Variants in IRX3 observed in about 807,000 individuals in gnomAD.
IRX3 encodes the protein iroquois homeobox 3.
In IRX3, 20 loss-of-function variants were observed where a neutral mutation model predicts 36.4. The observed-to-expected ratio is 0.55, with a 90% CI of 0.39 to 0.80. The LOEUF (loss-of-function observed/expected upper bound fraction) is 0.80. Among genes scored for constraint, IRX3 ranks in the 30% least tolerant of loss-of-function variants. The pLI, the probability that IRX3 is intolerant of heterozygous loss-of-function variation, is 0.00. For missense variants in IRX3, 718 were observed against 733.2 expected, an observed-to-expected ratio of 0.98 and a Z score of 0.24; for synonymous variants, 404 against 351.6, an observed-to-expected ratio of 1.15 and a Z score of -1.67.
rs1424025603 is a variant in IRX3 at position 54,284,798 on chromosome 16, G to A, written c.1083C>T (p.Asn361=). ...CCGCGCCGGGAGGCGAGCGGCGCGG[G>A]TTGTCCGGGCTTGTGGCAGTCTCCG... ...SLAETATSPD[N]PRRSPPGAGG... Residue 361 remains asparagine, a synonymous_variant, in exon 2 of 4, where the codon AAC becomes AAT. Transcript: ENST00000329734. The surrounding 1 kb of genome is among the most constrained non-coding windows in gnomAD (Gnocchi z 4.0). 6.8e-7 allele frequency: 1 copy of A among 1,474,598 alleles called. No homozygotes were observed. Among genetic ancestry groups the A allele is most frequent in the South Asian group, 1.4e-5 (1 of 73,060 alleles). The allele number at this position is 1,474,598 out of a possible 1,614,324, so 91.3% of individuals were successfully genotyped here.
Position 54,284,354 on chromosome 16 carries a change from C to T in IRX3, c.1385-42G>A. 6.3e-7 allele frequency: 1 copy of T among 1,580,118 alleles called. No individual in the cohort carries two copies. Among genetic ancestry groups the T allele is most frequent in the Non-Finnish European group, 8.6e-7 (1 of 1,166,652 alleles). ...AAGAAAAAGGAGGGCCTTTAGAGCGCTCGGTGCCGGCGCCCAGGGCCGCAG... is the reference window on the plus strand; with the variant it reads ...AAGAAAAAGGAGGGCCTTTAGAGCGTTCGGTGCCGGCGCCCAGGGCCGCAG... On this transcript the variant is annotated intron_variant, in intron 2 of 3. Coordinates refer to ENST00000329734, the MANE Select transcript of IRX3 (RefSeq NM_024336.3). This position sits in a 1 kb window ranked among gnomAD's most constrained non-coding sequence, Gnocchi z 4.0.
rs1901299996 is a variant in IRX3 at position 54,285,299 on chromosome 16, C to A, written c.582G>T (p.Ala194=). The A allele has an allele frequency of 6.2e-7, 1 of 1,614,138 alleles. No individual in the cohort carries two copies. ...CCTCCTCGTCAGTGCGGCTGCGAGG[C>A]GCCCAAGTCATCTTATTCTCCTTCT... ...RLKKENKMTW[A]PRSRTDEEGN... Residue 194 remains alanine (A), a synonymous_variant, in exon 2 of 4, where the codon GCG becomes GCT. Coordinates refer to ENST00000329734, the MANE Select transcript of IRX3 (RefSeq NM_024336.3). The surrounding 1 kb of genome is among the most constrained non-coding windows in gnomAD (Gnocchi z 5.7).
chr16:54,283,822 A>G lies in IRX3; in HGVS notation c.1452-82T>C. On this transcript the variant is annotated intron_variant, in intron 3 of 3. Transcript: ENST00000329734. The surrounding 1 kb of genome is among the most constrained non-coding windows in gnomAD (Gnocchi z 4.4). ...CCTAGGGCGGGGAGATCCTACTTGG[A>G]TTGGGGCCGATCGTCAGGAAGGTGT... 6.3e-7 allele frequency: 1 copy of G among 1,587,026 alleles called. No individual in the cohort carries two copies. Among genetic ancestry groups the G allele is most frequent in the Non-Finnish European group, 8.6e-7 (1 of 1,167,246 alleles).
chr16:54,284,510 G>A lies in IRX3; in HGVS notation c.1371C>T (p.Pro457=). The A allele has an allele frequency of 2.1e-6, 3 of 1,405,366 alleles. No individual in the cohort carries two copies. Among genetic ancestry groups the A allele is most frequent in the East Asian group, 6.1e-5 (2 of 32,946 alleles). The allele number at this position is 1,405,366 out of a possible 1,614,324, so 87.1% of individuals were successfully genotyped here. Residue 457 remains proline, a synonymous_variant, in exon 2 of 4, where the codon CCC becomes CCT. Transcript: ENST00000329734. This position sits in a 1 kb window ranked among gnomAD's most constrained non-coding sequence, Gnocchi z 4.0. ...AAAAFARPAE[P]EGGTDRCSAL... is the part of the protein sequence containing the mutation. Reference sequence around the variant, plus strand: ...CTCAGCAGTCACCTGTTCCGCCTTCGGGCTCCGCTGGCCGAGCGAAGGCGG... The same window carrying A: ...CTCAGCAGTCACCTGTTCCGCCTTCAGGCTCCGCTGGCCGAGCGAAGGCGG...
At position 54,286,351 on chromosome 16, in the gene IRX3, C is replaced by T. The variant is rs115229161; in HGVS notation, c.-301G>A. ...CCTCCTCTCTGCGCCGCGCTCCCTC[C>T]TCTCGGCCGCCGGAGCTGCCTCTGC... On this transcript the variant is annotated 5_prime_UTR_variant, in exon 1 of 4. Transcript: ENST00000329734. The T allele has an allele frequency of 8.9e-5, 88 of 988,496 alleles. No individual in the cohort carries two copies. In the African/African-American group the frequency reaches 1.3e-3, roughly 15 times the overall value. The allele number at this position is 988,496 out of a possible 1,614,324, so 61.2% of individuals were successfully genotyped here.
Position 54,285,831 on chromosome 16 carries a change from C to T in IRX3, c.220G>A (p.Gly74Ser). 1 of 1,564,050 alleles carries T rather than the reference C, an allele frequency of 6.4e-7. No individual in the cohort carries two copies. Among genetic ancestry groups the T allele is most frequent in the East Asian group, 2.4e-5 (1 of 42,274 alleles). Residue 74 changes from glycine (G) to serine (S), a missense_variant, in exon 1 of 4, where the codon GGC (glycine) becomes AGC (serine). Gly to Ser is a moderately conservative substitution (Grantham distance 56, BLOSUM62 0). This residue lies in a region of IRX3 where 204 missense variants were observed against 181.4 expected (regional missense o/e 1.12). Transcript: ENST00000329734. This position sits in a 1 kb window ranked among gnomAD's most constrained non-coding sequence, Gnocchi z 5.7. ...TCCGCGGCGTAGGGCAGGAAGGCGC[C>T]GTAGCCTTGGGCGGCGGCGGCCGCA... ...AAAAAAAQGY[G>S]AFLPYAAELP...
Position 54,283,445 on chromosome 16 carries a change from C to G in IRX3, c.*241G>C, listed in dbSNP as rs1027707597. The G allele has an allele frequency of 2.9e-5, 13 of 449,884 alleles. No individual in the cohort carries two copies. The highest frequency in any genetic ancestry group is 2.6e-4 in the African/African-American group (13 of 50,834). 27.9% of individuals were successfully genotyped at this position (449,884 alleles called of 1,614,324 possible). A position where few individuals can be genotyped will look rare whatever the true frequency, so the allele number is the denominator to read the frequency against. On this transcript the variant is annotated 3_prime_UTR_variant, in exon 4 of 4. Transcript: ENST00000329734. The surrounding 1 kb of genome is among the most constrained non-coding windows in gnomAD (Gnocchi z 4.4). ...ACGTTTATTCTCACTGAAACTCCAC[C>G]CCCCAAAATCAACCGGACAAACAAA... is the stretch of plus-strand genomic sequence containing the variant.
At position 54,286,480 on chromosome 16, in the gene IRX3, T is replaced by G; in HGVS notation, c.-430A>C. On this transcript the variant is annotated 5_prime_UTR_variant, in exon 1 of 4. Coordinates refer to ENST00000329734, the MANE Select transcript of IRX3 (RefSeq NM_024336.3). ...CCCCCTCCTCGCCCTTCCTCTCCCCTCCCCTCTCCGCACTCCTCTTCCCCC... is the reference window on the plus strand; with the variant it reads ...CCCCCTCCTCGCCCTTCCTCTCCCCGCCCCTCTCCGCACTCCTCTTCCCCC... 1.3e-6 allele frequency: 1 copy of G among 742,310 alleles called. No homozygotes were observed. Among genetic ancestry groups the G allele is most frequent in the Non-Finnish European group, 1.6e-6 (1 of 610,964 alleles). The allele number at this position is 742,310 out of a possible 1,614,324, so 46.0% of individuals were successfully genotyped here. A position where few individuals can be genotyped will look rare whatever the true frequency, so the allele number is the denominator to read the frequency against.
rs1305245625 is a variant in IRX3, at chr16:54,286,084, C to G, written c.-34G>C. 9 of 1,226,600 alleles carry G rather than the reference C, an allele frequency of 7.3e-6. No homozygotes were observed. Among genetic ancestry groups the G allele is most frequent in the Admixed American group, 4.5e-5 (1 of 22,288 alleles). The allele number at this position is 1,226,600 out of a possible 1,614,324, so 76.0% of individuals were successfully genotyped here. On this transcript the variant is annotated 5_prime_UTR_variant, in exon 1 of 4. Coordinates refer to ENST00000329734, the MANE Select transcript of IRX3 (RefSeq NM_024336.3). ...GCGGGGCACGGACGGAGAGGGGGGCCGACCCCCGGGCCGCCCAGCTCAGCG... is the reference window on the plus strand; with the variant it reads ...GCGGGGCACGGACGGAGAGGGGGGCGGACCCCCGGGCCGCCCAGCTCAGCG...
chr16:54,285,882 A>G lies in IRX3; in HGVS notation c.169T>C (p.Tyr57His). 1.3e-6 allele frequency: 2 copies of G among 1,538,582 alleles called. No individual in the cohort carries two copies. The highest frequency in any genetic ancestry group is 1.7e-6 in the Non-Finnish European group (2 of 1,143,694). Residue 57 changes from tyrosine to histidine, a missense_variant, in exon 1 of 4, where the codon TAC becomes CAC. Physicochemically the swap from Tyr to His is moderately conservative, Grantham distance 83. Transcript: ENST00000329734. This position sits in a 1 kb window ranked among gnomAD's most constrained non-coding sequence, Gnocchi z 5.7. ...GCGGCCGCGGCGTAGGGCGCCCCGT[A>G]CACGGACGAGAGCACGTTGGACAGG... ...GSLSNVLSSV[Y>H]GAPYAAAAAA...
chr16:54,286,544 T>C lies in IRX3; in HGVS notation c.-494A>G, dbSNP rs1901348133. On this transcript the variant is annotated 5_prime_UTR_variant, in exon 1 of 4. Transcript: ENST00000329734. ...GCTGCTTCGGGCTCCTGCACTGCCCTGGACGCTATGAAACTCTCCTTTCTC... is the reference window on the plus strand; with the variant it reads ...GCTGCTTCGGGCTCCTGCACTGCCCCGGACGCTATGAAACTCTCCTTTCTC... 8.9e-6 allele frequency: 2 copies of C among 223,804 alleles called. No homozygotes were observed. The highest frequency in any genetic ancestry group is 2.3e-5 in the African/African-American group (1 of 42,640). The allele number at this position is 223,804 out of a possible 1,614,324, so 13.9% of individuals were successfully genotyped here.
Position 54,284,047 on chromosome 16 carries a change from G to T in IRX3, c.1451+199C>A. On this transcript the variant is annotated intron_variant, in intron 3 of 3. Coordinates refer to ENST00000329734, the MANE Select transcript of IRX3 (RefSeq NM_024336.3). The surrounding 1 kb of genome is among the most constrained non-coding windows in gnomAD (Gnocchi z 4.0). The stretch of plus-strand genomic sequence containing the variant: ...AGCGCTGTACCCTCCGGCCGCGCCT[G>T]GGGTGCCTGGGCTGGACCTGGAGAG... 1 of 1,289,944 alleles carries T rather than the reference G, an allele frequency of 7.8e-7. No homozygotes were observed. Among genetic ancestry groups the T allele is most frequent in the Non-Finnish European group, 1.0e-6 (1 of 966,960 alleles). 79.9% of individuals were successfully genotyped at this position (1,289,944 alleles called of 1,614,324 possible). A position where few individuals can be genotyped will look rare whatever the true frequency, so the allele number is the denominator to read the frequency against.
At position 54,285,215 on chromosome 16, in the gene IRX3, G is replaced by C. The variant is rs781665258; in HGVS notation, c.666C>G (p.Gly222=). The part of the protein sequence containing the change: ...EEDEEEDEED[G]KRELELEEEE... Reference sequence around the variant, plus strand: ...CCTCCTCCAGCTCTAGCTCGCGTTTGCCGTCCTCCTCGTCCTCCTCTTCGT... The same window carrying C: ...CCTCCTCCAGCTCTAGCTCGCGTTTCCCGTCCTCCTCGTCCTCCTCTTCGT... Residue 222 remains glycine, a synonymous_variant, in exon 2 of 4, where the codon GGC becomes GGG. Transcript: ENST00000329734. The surrounding 1 kb of genome is among the most constrained non-coding windows in gnomAD (Gnocchi z 5.7). The C allele has an allele frequency of 1.2e-6, 2 of 1,606,750 alleles. No individual in the cohort carries two copies. Among genetic ancestry groups the C allele is most frequent in the Admixed American group, 3.4e-5 (2 of 58,560 alleles).
chr16:54,284,921 G>A lies in IRX3; in HGVS notation c.960C>T (p.Ala320=), dbSNP rs749462155. The change falls in exon 2 of 4, where the codon GCC becomes GCT. Residue 320 remains alanine (A), a synonymous_variant. Coordinates refer to ENST00000329734, the MANE Select transcript of IRX3 (RefSeq NM_024336.3). The surrounding 1 kb of genome is among the most constrained non-coding windows in gnomAD (Gnocchi z 4.0). The part of the protein sequence containing the change: ...LAPAPPPVAV[A]SPSLPSPPVS... ...CGGGGGGCGACGGCAGAGACGGCGA[G>A]GCCACGGCCACTGGTGGTGGCGCTG... 18 of 1,594,614 alleles carry A rather than the reference G, an allele frequency of 1.1e-5. No homozygotes were observed. Among genetic ancestry groups the A allele is most frequent in the Middle Eastern group, 3.3e-4 (2 of 6,028 alleles).
Position 54,284,469 on chromosome 16 carries a change from C to G in IRX3, c.1384+28G>C, listed in dbSNP as rs949520204. ...CGGCACTACCCGCAGAGCCCGCCCC[C>G]GCTCCGCGCCCAGCGCTCAGCAGTC... On this transcript the variant is annotated intron_variant, in intron 2 of 3. Coordinates refer to ENST00000329734, the MANE Select transcript of IRX3 (RefSeq NM_024336.3). This position sits in a 1 kb window ranked among gnomAD's most constrained non-coding sequence, Gnocchi z 4.0. The G allele has an allele frequency of 2.9e-6, 4 of 1,392,546 alleles. No homozygotes were observed. The highest frequency in any genetic ancestry group is 3.7e-6 in the Non-Finnish European group (4 of 1,083,602). 86.3% of individuals were successfully genotyped at this position (1,392,546 alleles called of 1,614,324 possible).
rs138097550 is a variant in IRX3 at position 54,285,911 on chromosome 16, C to T, written c.140G>A (p.Gly47Glu). 10 of 1,524,802 alleles carry T rather than the reference C, an allele frequency of 6.6e-6. No individual in the cohort carries two copies. The highest frequency in any genetic ancestry group is 1.4e-5 in the African/African-American group (1 of 69,530). 94.5% of individuals were successfully genotyped at this position (1,524,802 alleles called of 1,614,324 possible). A position where few individuals can be genotyped will look rare whatever the true frequency, so the allele number is the denominator to read the frequency against. ...GAGASELNAS[G>E]SLSNVLSSVY... ...GGACGAGAGCACGTTGGACAGGGAC[C>T]CCGAGGCGTTCAGCTCCGAGGCTCC... Residue 47 changes from glycine to glutamate, a missense_variant, in exon 1 of 4, where the codon GGG (glycine) becomes GAG (glutamate). Transcript: ENST00000329734. The surrounding 1 kb of genome is among the most constrained non-coding windows in gnomAD (Gnocchi z 5.7).
rs765635665 is a variant in IRX3, at chr16:54,285,770, C to T, written c.267+14G>A. ...AGCGCCAACCCCTCCTTCCCTGGCT[C>T]CGCGGGCTCTTACCAGCTGCGGGAA... is the stretch of plus-strand genomic sequence containing the variant. On this transcript the variant is annotated intron_variant, in intron 1 of 3. Transcript: ENST00000329734. The surrounding 1 kb of genome is among the most constrained non-coding windows in gnomAD (Gnocchi z 5.7). 2.4e-5 allele frequency: 36 copies of T among 1,529,638 alleles called. No homozygotes were observed. The African/African-American group carries it at 4.4e-4, about 19-fold the overall frequency. The allele number at this position is 1,529,638 out of a possible 1,614,324, so 94.8% of individuals were successfully genotyped here.
chr16:54,284,434 C>T lies in IRX3; in HGVS notation c.1384+63G>A, dbSNP rs1367015959. On this transcript the variant is annotated intron_variant, in intron 2 of 3. Coordinates refer to ENST00000329734, the MANE Select transcript of IRX3 (RefSeq NM_024336.3). This position sits in a 1 kb window ranked among gnomAD's most constrained non-coding sequence, Gnocchi z 4.0. ...TGCGCCCCCCGGGCCCTGCCCCTCCCGGCCAGCTCCGGCACTACCCGCAGA... is the reference window on the plus strand; with the variant it reads ...TGCGCCCCCCGGGCCCTGCCCCTCCTGGCCAGCTCCGGCACTACCCGCAGA... 1.4e-6 allele frequency: 2 copies of T among 1,407,452 alleles called. No individual in the cohort carries two copies. Among genetic ancestry groups the T allele is most frequent in the African/African-American group, 1.5e-5 (1 of 65,746 alleles). 87.2% of individuals were successfully genotyped at this position (1,407,452 alleles called of 1,614,324 possible).
Position 54,285,318 on chromosome 16 carries a change from T to A in IRX3, c.563A>T (p.Glu188Val), listed in dbSNP as rs747635304. Reference protein sequence around the residue: ...FANARRRLKKENKMTWAPRSR... With the variant: ...FANARRRLKKVNKMTWAPRSR... ...GCGAGGCGCCCAAGTCATCTTATTC[T>A]CCTTCTTGAGGCGCCGGCGCGCGTT... is the stretch of plus-strand genomic sequence containing the variant. The change falls in exon 2 of 4, where the codon GAG (glutamate) becomes GTG (valine). Residue 188 changes from glutamate to valine, a missense_variant. Glu to Val is a moderately radical substitution (Grantham distance 121). Coordinates refer to ENST00000329734, the MANE Select transcript of IRX3 (RefSeq NM_024336.3). The surrounding 1 kb of genome is among the most constrained non-coding windows in gnomAD (Gnocchi z 5.7). 3.7e-6 allele frequency: 6 copies of A among 1,614,016 alleles called. No individual in the cohort carries two copies. The African/African-American group carries it at 8.0e-5, about 22-fold the overall frequency.
Sources: allele counts gnomAD v4.1 joint callset, GRCh38; gene constraint gnomAD v4.1.1; regional missense constraint gnomAD v4.1.1; non-coding constraint Gnocchi (gnomAD v3.1); transcripts MANE v1.5; gene names NCBI Gene and HGNC (gene_info 2026-07-23, HGNC 2026-07-21).